MECOM: variants seen among roughly 807,000 people sequenced by gnomAD.
MECOM encodes the protein MDS1 and EVI1 complex locus.
A neutral mutation model predicts 116.3 loss-of-function variants in MECOM; 13 were observed. The observed-to-expected ratio is 0.11, with a 90% confidence interval of 0.07 to 0.18. The LOEUF is 0.18. Among genes scored for constraint, MECOM ranks in the 10% least tolerant of loss-of-function variants. MECOM has a pLI of 1.00. For missense variants in MECOM, 1,299 were observed against 1,509.0 expected, an observed-to-expected ratio of 0.86 and a Z score of 2.31; for synonymous variants, 528 against 535.2, an observed-to-expected ratio of 0.99 and a Z score of 0.19.
At chr3:169,162,785 A>G (rs1266809225) in intron 2 of MECOM, among the ~76,000 whole-genome samples, 2 of 152,166 alleles carry the variant, frequency 1.3e-5, no homozygotes, top group African/African-American at 4.8e-5. Context: ...TTTCATACTC[A>G]GTGCTGGGTG....
At chr3:169,140,177 T>C (rs1737682716) in intron 3 of MECOM, among the ~76,000 whole-genome samples, 1 of 152,082 alleles carries the variant, frequency 6.6e-6, no homozygotes. Context: ...TCAGGGCCAA[T>C]TCTTGCTCCT....
chr3:169,214,667 T>C (rs1751198746), intron 2 of MECOM, among the ~76,000 whole-genome samples: 1 of 151,584 alleles, frequency 6.6e-6, no homozygotes, highest in Non-Finnish European at 1.5e-5. Context: ...TATTCATTTC[T>C]ACCTAGATTT....
At chr3:169,519,857 C>T (rs1273872306) in intron 1 of MECOM, among the ~76,000 whole-genome samples, 1 of 152,252 alleles carries the variant, frequency 6.6e-6, no homozygotes, top group Non-Finnish European at 1.5e-5. Flanking sequence ...CCCCCCTTGC[C>T]CATTCAGGCA....
intron 1 of MECOM, among the ~76,000 whole-genome samples, chr3:169,588,472 G>T (rs1766019582): frequency 6.6e-6 from 1 of 152,124 alleles, no homozygotes; most frequent in South Asian, 2.1e-4. Context: ...GTGACATGGT[G>T]GCCAGAATTC....
At chr3:169,277,579 C>T (rs1759761777) in intron 2 of MECOM, among the ~76,000 whole-genome samples, 1 of 152,156 alleles carries the variant, frequency 6.6e-6, no homozygotes. Context: ...CTCCCTATAC[C>T]AGGGACTTTG....
chr3:169,289,151 G>T (rs1272958477), intron 2 of MECOM, among the ~76,000 whole-genome samples: 1 of 152,114 alleles, frequency 6.6e-6, no homozygotes, highest in Non-Finnish European at 1.5e-5. Flanking sequence ...ATCTATATGT[G>T]GTACCCAAAA....
intron 2 of MECOM, among the ~76,000 whole-genome samples, chr3:169,324,431 A>G (rs1721487673): frequency 6.6e-6 from 1 of 152,248 alleles, no homozygotes; most frequent in Admixed American, 6.5e-5. Flanking sequence ...GCTCTGCTGC[A>G]TACTTTCACA....
At chr3:169,649,452 A>G (rs1281330945) in intron 1 of MECOM, among the ~76,000 whole-genome samples, 1 of 150,798 alleles carries the variant, frequency 6.6e-6, no homozygotes, top group Non-Finnish European at 1.5e-5. Context: ...ATATCTGGAG[A>G]AGAGACAGGC....
At position 169,146,677 on chromosome 3, in the gene MECOM, A is replaced by G. The variant is rs1184958172; in HGVS notation, c.376-2845T>C. The G allele has an allele frequency of 3.8e-6, 5 of 1,319,802 alleles. No homozygotes were observed. The Admixed American group carries it at 6.6e-5, about 17-fold the overall frequency. The allele number at this position is 1,319,802 out of a possible 1,614,324, so 81.8% of individuals were successfully genotyped here. On this transcript the variant is annotated intron_variant, in intron 2 of 16. Coordinates refer to ENST00000651503, the MANE Select transcript of MECOM (RefSeq NM_004991.4). ...AAACTGTCCGAAGTGACAAACTTTC[A>G]CATCGCCCAGACTTTTTTTCCTTTT...
chr3:169,148,460 T>G (rs186709679), intron 2 of MECOM, among the ~76,000 whole-genome samples: 32 of 152,322 alleles, frequency 2.1e-4, no homozygotes, highest in African/African-American at 7.2e-4. Flanking sequence ...GGTCTACAGA[T>G]TTATTCATGG....
chr3:169,217,256 C>T (rs1364090897), intron 2 of MECOM, among the ~76,000 whole-genome samples: 2 of 151,742 alleles, frequency 1.3e-5, no homozygotes, highest in Non-Finnish European at 2.9e-5. Flanking sequence ...TATAGCTAGA[C>T]TCTTGGAGTC....
intron 2 of MECOM, among the ~76,000 whole-genome samples, chr3:169,284,573 A>G (rs59802264): frequency 0.038 from 5,617 of 147,672 alleles, 265 homozygotes; most frequent in African/African-American, 0.12. Flanking sequence ...ATATGAGCGC[A>G]CACACACACA....
intron 2 of MECOM, among the ~76,000 whole-genome samples, chr3:169,259,495 A>G (rs1036004481): frequency 1.3e-5 from 2 of 152,294 alleles, no homozygotes; most frequent in Admixed American, 6.5e-5. Flanking sequence ...TGGGAGCCCA[A>G]GCACTTTGCT....
chr3:169,104,350 T>G (rs981906612), intron 10 of MECOM, among the ~76,000 whole-genome samples: 5 of 152,224 alleles, frequency 3.3e-5, no homozygotes, highest in Non-Finnish European at 7.3e-5. Context: ...TTTATGATAC[T>G]CTTGTATTTG....
chr3:169,207,686 TTGG>T (rs1227713571), intron 2 of MECOM, among the ~76,000 whole-genome samples: 2 of 152,168 alleles, frequency 1.3e-5, no homozygotes, highest in Non-Finnish European at 2.9e-5. Flanking sequence ...AGTGCAGGTA[TTGG>T]TGGTTTTTCC....
At chr3:169,282,712 T>C (rs1258776009) in intron 2 of MECOM, among the ~76,000 whole-genome samples, 4 of 152,144 alleles carry the variant, frequency 2.6e-5, no homozygotes, top group African/African-American at 9.7e-5. Context: ...TCCTCAAGCA[T>C]TTATCATCAC....
At chr3:169,162,837 T>G (rs1042730403) in intron 2 of MECOM, among the ~76,000 whole-genome samples, 5 of 152,138 alleles carry the variant, frequency 3.3e-5, no homozygotes, top group Non-Finnish European at 5.9e-5. Context: ...GAAATAATTC[T>G]TCTGGTAAAA....
At chr3:169,163,493 C>A (rs1215726515) in intron 2 of MECOM, among the ~76,000 whole-genome samples, 2 of 152,006 alleles carry the variant, frequency 1.3e-5, no homozygotes, top group Admixed American at 1.3e-4. Flanking sequence ...TTATTAAGTG[C>A]CTATTCTATG....
chr3:169,486,221 A>G (rs1051862394), intron 1 of MECOM, among the ~76,000 whole-genome samples: 1 of 151,630 alleles, frequency 6.6e-6, no homozygotes, highest in Non-Finnish European at 1.5e-5. Flanking sequence ...GCATGAAAGC[A>G]CTTCTCCACA....
Sources: allele counts gnomAD v4.1 joint callset (sites outside exome capture counted in the v4.1 genomes callset), GRCh38; gene constraint gnomAD v4.1.1; transcripts MANE v1.5; gene names NCBI Gene and HGNC (gene_info 2026-07-23, HGNC 2026-07-21).